PCDHGA7: variants seen among roughly 807,000 people sequenced by gnomAD.
PCDHGA7 encodes protocadherin gamma subfamily A, 7, also known as protocadherin gamma-A7.
PCDHGA7 carries 44 observed loss-of-function variants against 58.3 expected under a neutral mutation model. The ratio of observed to expected loss-of-function variants is 0.75; its 90% confidence interval spans 0.59 to 0.97. The LOEUF (loss-of-function observed/expected upper bound fraction) is 0.97. Among genes scored for constraint, PCDHGA7 ranks in the 50% least tolerant of loss-of-function variants. The pLI, the probability that PCDHGA7 is intolerant of heterozygous loss-of-function variation, is 0.00. For missense variants in PCDHGA7, 1,266 were observed against 1,188.7 expected, an observed-to-expected ratio of 1.06 and a Z score of -0.96; for synonymous variants, 516 against 504.2, an observed-to-expected ratio of 1.02 and a Z score of -0.31.
intron 1 of PCDHGA7, chr5:141,405,510 C>T: frequency 1.4e-6 from 1 of 732,922 alleles, no homozygotes; most frequent in Non-Finnish European, 2.2e-6. Context: ...ACCTCCGCCT[C>T]CCAAATTCAA....
chr5:141,494,546 G>A (rs984336435), intron 1 of PCDHGA7, among the ~76,000 whole-genome samples: 7 of 152,152 alleles, frequency 4.6e-5, no homozygotes, highest in African/African-American at 1.2e-4. Context: ...GGAGGAAGGG[G>A]CCATTTCTTT....
chr5:141,398,183 T>C, intron 1 of PCDHGA7: 1 of 1,477,856 alleles, frequency 6.8e-7, no homozygotes, highest in South Asian at 1.4e-5. Flanking sequence ...GTGCTCTTTC[T>C]CTTCCTGCTG....
chr5:141,494,236 T>C (rs1384800217), intron 1 of PCDHGA7, among the ~76,000 whole-genome samples: 7 of 152,128 alleles, frequency 4.6e-5, no homozygotes, highest in Non-Finnish European at 1.0e-4. Flanking sequence ...AAATTAATAA[T>C]GTATTTAGCT....
In PCDHGA7 at chr5:141,383,665, C is replaced by T. The variant is rs1779352748; in HGVS notation, c.766C>T (p.Pro256Ser). The change falls in exon 1 of 4, where the codon CCA becomes TCA. Residue 256 changes from proline to serine, a missense_variant. Coordinates refer to ENST00000518325, the MANE Select transcript of PCDHGA7 (RefSeq NM_018920.4). ...QYQVTVPENVPVGTRLLTVHA... is the reference protein window; with the variant it reads ...QYQVTVPENVSVGTRLLTVHA... ...CCAAGTAACTGTCCCCGAGAATGTG[C>T]CAGTGGGTACAAGACTGCTCACGGT... The T allele has an allele frequency of 1.2e-6, 2 of 1,613,970 alleles. No homozygotes were observed. The highest frequency in any genetic ancestry group is 1.7e-6 in the Non-Finnish European group (2 of 1,179,880).
chr5:141,427,881 C>A, intron 1 of PCDHGA7: 1 of 1,563,720 alleles, frequency 6.4e-7, no homozygotes, highest in African/African-American at 1.3e-5. Context: ...GATGCAGGCC[C>A]ACGACCAGGG....
chr5:141,506,177 G>T (rs1024892091), intron 3 of PCDHGA7, among the ~76,000 whole-genome samples: 4 of 152,142 alleles, frequency 2.6e-5, no homozygotes, highest in African/African-American at 9.7e-5. Context: ...TAAGCTGGGC[G>T]TGGTGGCTCA....
chr5:141,408,256 T>C, intron 1 of PCDHGA7: 1 of 1,602,226 alleles, frequency 6.2e-7, no homozygotes, highest in East Asian at 2.3e-5. Flanking sequence ...AGGTGCTATT[T>C]CCTTTGCTGC....
intron 1 of PCDHGA7, chr5:141,411,291 C>G (rs2095478163): frequency 6.6e-6 from 1 of 152,158 alleles, no homozygotes; most frequent in South Asian, 2.1e-4. Context: ...ATTCAGAAGA[C>G]AGGCCCAGTG....
chr5:141,404,475 A>G, intron 1 of PCDHGA7: 1 of 1,613,732 alleles, frequency 6.2e-7, no homozygotes, highest in Non-Finnish European at 8.5e-7. Flanking sequence ...GTCTCTATTA[A>G]CTCAGACACT....
intron 1 of PCDHGA7, chr5:141,419,837 C>G (rs778271441): frequency 1.2e-6 from 2 of 1,614,090 alleles, no homozygotes; most frequent in South Asian, 2.2e-5. Context: ...CACTGCCACG[C>G]TGCACCTGGT....
Position 141,491,095 on chromosome 5 carries a change from T to C in PCDHGA7, c.2425-3712T>C, listed in dbSNP as rs1366401829. On this transcript the variant is annotated intron_variant, in intron 1 of 3. Coordinates refer to ENST00000518325, the MANE Select transcript of PCDHGA7 (RefSeq NM_018920.4). The surrounding 1 kb of genome is among the most constrained non-coding windows in gnomAD (Gnocchi z 6.9). ...GCCACAGTCCACAGCCCCAGGACTG[T>C]TCCTCGTGTCTACACACACTGGTGA... The C allele has an allele frequency of 3.7e-6, 6 of 1,614,154 alleles. No homozygotes were observed. The highest frequency in any genetic ancestry group is 4.2e-6 in the Non-Finnish European group (5 of 1,180,014).
chr5:141,479,941 T>C (rs983830280), intron 1 of PCDHGA7, among the ~76,000 whole-genome samples: 2 of 152,194 alleles, frequency 1.3e-5, no homozygotes, highest in Admixed American at 6.5e-5. Context: ...TGCTATCAAC[T>C]CTTGGATTTG....
intron 1 of PCDHGA7, among the ~76,000 whole-genome samples, chr5:141,448,985 A>G (rs2098621528): frequency 6.6e-6 from 1 of 152,026 alleles, no homozygotes; most frequent in South Asian, 2.1e-4. Context: ...TTCCATATTA[A>G]TATATAGAAA....
chr5:141,415,740 GTTTTTTTTT>G (rs57426385), intron 1 of PCDHGA7: 9,508 of 621,550 alleles, frequency 0.015, 13 homozygotes, highest in Non-Finnish European at 0.016. Context: ...GTTTATTAAG[GTTTTTTTTT>G]TTTTTTTTTT....
At position 141,422,169 on chromosome 5, in the gene PCDHGA7, A is replaced by G. The variant is rs1386896405; in HGVS notation, c.2424+36846A>G. 2.6e-6 allele frequency: 4 copies of G among 1,563,898 alleles called. No homozygotes were observed. In the South Asian group the frequency reaches 4.9e-5, roughly 19 times the overall value. On this transcript the variant is annotated intron_variant, in intron 1 of 3. Coordinates refer to ENST00000518325, the MANE Select transcript of PCDHGA7 (RefSeq NM_018920.4). ...GGTCTCTGGATTTTGAAAAATATAG[A>G]TTCTATGAGATGGAAATTCAAGGCC...
rs578223384 is a variant in PCDHGA7 at position 141,400,070 on chromosome 5, C to T, written c.2424+14747C>T. Reference sequence around the variant, plus strand: ...GTTGCTGTGCGTGATGGTGGACAGCCGCCACTCTCCGCCACCGCCACGCTG... The same window carrying T: ...GTTGCTGTGCGTGATGGTGGACAGCTGCCACTCTCCGCCACCGCCACGCTG... On this transcript the variant is annotated intron_variant, in intron 1 of 3. Coordinates refer to ENST00000518325, the MANE Select transcript of PCDHGA7 (RefSeq NM_018920.4). 1.2e-6 allele frequency: 2 copies of T among 1,613,922 alleles called. No individual in the cohort carries two copies. Among genetic ancestry groups the T allele is most frequent in the African/African-American group, 1.3e-5 (1 of 75,062 alleles).
In PCDHGA7 at chr5:141,490,801, A is replaced by G; in HGVS notation, c.2425-4006A>G. On this transcript the variant is annotated intron_variant, in intron 1 of 3. Transcript: ENST00000518325. The surrounding 1 kb of genome is among the most constrained non-coding windows in gnomAD (Gnocchi z 5.4). ...GGATGGACGGATCTTTGCCCAGCGT[A>G]CCTTTGACTATGAATTGCTGCAGAT... The G allele has an allele frequency of 6.2e-7, 1 of 1,613,854 alleles. No homozygotes were observed. Among genetic ancestry groups the G allele is most frequent in the African/African-American group, 1.3e-5 (1 of 75,042 alleles).
Position 141,490,479 on chromosome 5 carries a change from C to A in PCDHGA7, c.2425-4328C>A. 6.2e-7 allele frequency: 1 copy of A among 1,614,216 alleles called. No homozygotes were observed. Among genetic ancestry groups the A allele is most frequent in the South Asian group, 1.1e-5 (1 of 91,086 alleles). On this transcript the variant is annotated intron_variant, in intron 1 of 3. Transcript: ENST00000518325. The surrounding 1 kb of genome is among the most constrained non-coding windows in gnomAD (Gnocchi z 5.4). ...CGCTGCTAACCAGCCAGCCTTTGGA[C>A]CGGGAGGCCACATCCCACTATATCA...
At position 141,432,957 on chromosome 5, in the gene PCDHGA7, C is replaced by T. The variant is rs2097553676; in HGVS notation, c.2424+47634C>T. 1 of 1,614,190 alleles carries T rather than the reference C, an allele frequency of 6.2e-7. No individual in the cohort carries two copies. The highest frequency in any genetic ancestry group is 8.5e-7 in the Non-Finnish European group (1 of 1,180,030). ...CTGCAGGCTTCAGGAGGCGGCTTGA[C>T]AGGAGCGCCGGCGTCGCACTTTGTG... On this transcript the variant is annotated intron_variant, in intron 1 of 3. Coordinates refer to ENST00000518325, the MANE Select transcript of PCDHGA7 (RefSeq NM_018920.4). This position sits in a 1 kb window ranked among gnomAD's most constrained non-coding sequence, Gnocchi z 6.0.
Sources: gnomAD v4.1 joint callset for allele counts (sites outside exome capture counted in the v4.1 genomes callset) on GRCh38, gnomAD v4.1.1 for gene constraint, Gnocchi (gnomAD v3.1) non-coding constraint, MANE v1.5 for transcripts, NCBI Gene and HGNC (gene_info 2026-07-23, HGNC 2026-07-21) for gene names.